The following KIF2A variants were observed in gnomAD, a reference collection of about 807,000 sequenced individuals.
KIF2A encodes kinesin-like protein KIF2A.
Under a neutral mutation model 100.2 loss-of-function variants are expected in KIF2A, and 22 were observed. The observed-to-expected ratio is 0.22, with a 90% confidence interval of 0.16 to 0.31. The LOEUF (loss-of-function observed/expected upper bound fraction) is 0.31. Among genes scored for constraint, KIF2A ranks in the 10% least tolerant of loss-of-function variants. The pLI is 1.00. For missense variants in KIF2A, 495 were observed against 898.7 expected, an observed-to-expected ratio of 0.55 and a Z score of 5.74; for synonymous variants, 268 against 285.9, an observed-to-expected ratio of 0.94 and a Z score of 0.63.
At chr5:62,360,737 A>G (rs1472399594) in intron 9 of KIF2A, among the ~76,000 whole-genome samples, 1 of 152,222 alleles carries the variant, frequency 6.6e-6, no homozygotes, top group African/African-American at 2.4e-5. Context: ...TCCTTTTCCT[A>G]AATTGAGAGT....
In KIF2A at chr5:62,389,936, T is replaced by C. The variant is rs1742224193; in HGVS notation, c.*4367T>C. ...GCTGGCCCATAGAAACAGGTCCAGATAAATTTCTAAAAAAGCAAAGTAGAT... is the reference window on the plus strand; with the variant it reads ...GCTGGCCCATAGAAACAGGTCCAGACAAATTTCTAAAAAAGCAAAGTAGAT... On this transcript the variant is annotated 3_prime_UTR_variant, in exon 21 of 21. Transcript: ENST00000407818. 6.6e-6 allele frequency among the ~76,000 whole-genome samples: 1 copy of C among 152,196 alleles called. No homozygotes were observed. Among genetic ancestry groups the C allele is most frequent in the Non-Finnish European group, 1.5e-5 (1 of 68,034 alleles).
chr5:62,388,939 A>G lies in KIF2A; in HGVS notation c.*3370A>G. On this transcript the variant is annotated 3_prime_UTR_variant, in exon 21 of 21. Coordinates refer to ENST00000407818, the MANE Select transcript of KIF2A (RefSeq NM_001098511.3). ...AATGTCTCAGTAAAGCAAAAGCATT[A>G]TCTTCTCAAATACAAAAAATACAAA... The G allele has an allele frequency of 7.0e-7, 1 of 1,430,142 alleles. No individual in the cohort carries two copies. Among genetic ancestry groups the G allele is most frequent in the Non-Finnish European group, 9.7e-7 (1 of 1,026,514 alleles). The allele number at this position is 1,430,142 out of a possible 1,614,324, so 88.6% of individuals were successfully genotyped here.
chr5:62,337,407 A>G (rs1250228476), intron 1 of KIF2A, among the ~76,000 whole-genome samples: 2 of 151,962 alleles, frequency 1.3e-5, no homozygotes, highest in Non-Finnish European at 2.9e-5. Flanking sequence ...CAGGAGAATC[A>G]CTTGAACCTG....
intron 13 of KIF2A, 37 bp downstream of exon 13, chr5:62,363,357 T>A: frequency 6.3e-7 from 1 of 1,586,742 alleles, no homozygotes; most frequent in Non-Finnish European, 8.6e-7. Context: ...AAACATCAGT[T>A]TTAGAAACTT....
chr5:62,385,142 CA>C (rs35824644), intron 20 of KIF2A, among the ~76,000 whole-genome samples: 106 of 138,686 alleles, frequency 7.6e-4, no homozygotes, highest in African/African-American at 1.4e-3. Context: ...GACTCCATCT[CA>C]AAAAAAAAAA....
chr5:62,347,412 A>G (rs370327740), intron 2 of KIF2A, among the ~76,000 whole-genome samples, 188 bp downstream of exon 2: 2 of 152,218 alleles, frequency 1.3e-5, no homozygotes, highest in African/African-American at 4.8e-5. Flanking sequence ...GTGATTGCAC[A>G]TATCAGTCTT....
Position 62,358,286 on chromosome 5 carries a change from GA to G in KIF2A, c.862del (p.Met288TrpfsTer10), listed in dbSNP as rs747164347. 6.3e-7 allele frequency: 1 copy of G among 1,580,978 alleles called. No individual in the cohort carries two copies. Among genetic ancestry groups the G allele is most frequent in the Non-Finnish European group, 8.6e-7 (1 of 1,169,260 alleles). On this transcript the variant is annotated frameshift_variant, in exon 9 of 21. Transcript: ENST00000407818. LOFTEE classifies it high-confidence loss of function. ...TGCCTTTGATGACTCAGCTCCTAAT[GA>G]AATGGTTTACAGGTAGGTAAATTCA... ...DYAFDDSAPN[E>X]MVYRFTARPL...
chr5:62,343,555 G>A (rs1180504057), intron 1 of KIF2A, among the ~76,000 whole-genome samples: 1 of 152,178 alleles, frequency 6.6e-6, no homozygotes, highest in African/African-American at 2.4e-5. Context: ...AAGGACTTTA[G>A]CTTCTACTCT....
intron 1 of KIF2A, among the ~76,000 whole-genome samples, chr5:62,340,826 G>T (rs1747257663): frequency 6.6e-6 from 1 of 151,936 alleles, no homozygotes; most frequent in Admixed American, 6.6e-5. Context: ...TTATAAATTT[G>T]TATTATAATT....
intron 9 of KIF2A, 33 bp downstream of exon 9, chr5:62,358,332 T>C: frequency 6.8e-7 from 1 of 1,476,136 alleles, no homozygotes; most frequent in Non-Finnish European, 9.1e-7. Flanking sequence ...AGAATTTTGT[T>C]CTTATGCCAT....
Position 62,388,436 on chromosome 5 carries a change from A to G in KIF2A, c.*2867A>G, listed in dbSNP as rs1580115794. The G allele has an allele frequency of 1.3e-5, 2 of 152,568 alleles. No individual in the cohort carries two copies. Among genetic ancestry groups the G allele is most frequent in the East Asian group, 3.9e-4 (2 of 5,188 alleles). 9.5% of individuals were successfully genotyped at this position (152,568 alleles called of 1,614,324 possible). A position where few individuals can be genotyped will look rare whatever the true frequency, so the allele number is the denominator to read the frequency against. Reference sequence around the variant, plus strand: ...GCTTACCCAGAACCCTAAGTCTCTGACGCTATAGGATAGCGAAAGAGGTAG... The same window carrying G: ...GCTTACCCAGAACCCTAAGTCTCTGGCGCTATAGGATAGCGAAAGAGGTAG... On this transcript the variant is annotated 3_prime_UTR_variant, in exon 21 of 21. Coordinates refer to ENST00000407818, the MANE Select transcript of KIF2A (RefSeq NM_001098511.3).
chr5:62,388,886 G>C lies in KIF2A; in HGVS notation c.*3317G>C. ...ATCATAAATGGTGACAACAGTAGTA[G>C]TATTGAACCAAAAATAGTCAAGTAA... On this transcript the variant is annotated 3_prime_UTR_variant, in exon 21 of 21. Transcript: ENST00000407818. 1 of 857,866 alleles carries C rather than the reference G, an allele frequency of 1.2e-6. No homozygotes were observed. The allele number at this position is 857,866 out of a possible 1,614,324, so 53.1% of individuals were successfully genotyped here.
At chr5:62,363,443 T>G in intron 13 of KIF2A, 123 bp downstream of exon 13, 2 of 891,252 alleles carry the variant, frequency 2.2e-6, no homozygotes, top group South Asian at 3.7e-5. Flanking sequence ...CATAAAAACT[T>G]GTGTTACATG....
chr5:62,337,572 C>G (rs1747030910), intron 1 of KIF2A, among the ~76,000 whole-genome samples: 1 of 151,772 alleles, frequency 6.6e-6, no homozygotes, highest in African/African-American at 2.4e-5. Flanking sequence ...GTGGCTCACA[C>G]CTGTAATCCC....
At position 62,381,171 on chromosome 5, in the gene KIF2A, A is replaced by G; in HGVS notation, c.2067A>G (p.Glu689=). The G allele has an allele frequency of 1.2e-6, 2 of 1,608,858 alleles. No homozygotes were observed. Among genetic ancestry groups the G allele is most frequent in the Non-Finnish European group, 1.7e-6 (2 of 1,175,352 alleles). Reference sequence around the variant, plus strand: ...AGGCCCTCTTAGAGATGACTGAAGAAGTAGATTATGATGTCGATTCATATG... The same window carrying G: ...AGGCCCTCTTAGAGATGACTGAAGAGGTAGATTATGATGTCGATTCATATG... ...DEKALLEMTE[E]VDYDVDSYAT... is the part of the protein sequence containing the mutation. Residue 689 remains glutamate (E), a synonymous_variant, in exon 20 of 21, where the codon GAA becomes GAG. Coordinates refer to ENST00000407818, the MANE Select transcript of KIF2A (RefSeq NM_001098511.3).
At position 62,358,046 on chromosome 5, in the gene KIF2A, GTATC is replaced by G. The variant is rs1748206124; in HGVS notation, c.710-89_710-86del. ...TTTATATGTACAGAACTTACTACTT[GTATC>G]TTAGTTCTTACTACTTAAAATAATT... On this transcript the variant is annotated intron_variant, in intron 8 of 20. Coordinates refer to ENST00000407818, the MANE Select transcript of KIF2A (RefSeq NM_001098511.3). The G allele has an allele frequency of 4.2e-6, 4 of 941,420 alleles. No homozygotes were observed. In the East Asian group the frequency reaches 1.1e-4, roughly 26 times the overall value. The allele number at this position is 941,420 out of a possible 1,614,324, so 58.3% of individuals were successfully genotyped here.
chr5:62,374,552 C>T (rs1015609637), intron 18 of KIF2A, among the ~76,000 whole-genome samples: 8 of 152,066 alleles, frequency 5.3e-5, no homozygotes, highest in Middle Eastern at 3.4e-3. Context: ...CATTTTTTTC[C>T]CTCAGATTTT....
intron 1 of KIF2A, among the ~76,000 whole-genome samples, chr5:62,334,677 A>G (rs567582496): frequency 6.6e-6 from 1 of 152,146 alleles, no homozygotes; most frequent in Admixed American, 6.5e-5. Context: ...GGTCCAGCCG[A>G]TGCCAGAAGG....
At chr5:62,341,643 C>G (rs1747302540) in intron 1 of KIF2A, among the ~76,000 whole-genome samples, 1 of 152,116 alleles carries the variant, frequency 6.6e-6, no homozygotes, top group Admixed American at 6.5e-5. Flanking sequence ...TCTCTCTAGC[C>G]TGTCTTTGGA....
Sources: gnomAD v4.1 joint callset for allele counts (sites outside exome capture counted in the v4.1 genomes callset) on GRCh38, gnomAD v4.1.1 for gene constraint, MANE v1.5 for transcripts, NCBI Gene and HGNC (gene_info 2026-07-23, HGNC 2026-07-21) for gene names.